PPP4R2: variants seen among roughly 807,000 people sequenced by gnomAD.
PPP4R2 encodes the protein serine/threonine-protein phosphatase 4 regulatory subunit 2.
In PPP4R2, 13 loss-of-function variants were observed where a neutral mutation model predicts 47.2. That is an observed-to-expected ratio of 0.28 (90% CI 0.18 to 0.44). The LOEUF (loss-of-function observed/expected upper bound fraction) is 0.44. Ranked by LOEUF, PPP4R2 falls within the 20% of genes least tolerant of loss-of-function variation. The probability of loss-of-function intolerance (pLI) is 1.00; values close to 1 mark genes in which losing one functional copy is unlikely to be tolerated. For synonymous variants in PPP4R2, 151 were observed against 163.3 expected (o/e 0.92, Z 0.57); for missense variants, 421 against 491.2 (o/e 0.86, Z 1.35).
intron 3 of PPP4R2, among the ~76,000 whole-genome samples, chr3:73,057,854 T>G (rs559002408): frequency 1.3e-5 from 2 of 152,254 alleles, no homozygotes; most frequent in African/African-American, 4.8e-5. Flanking sequence ...TACTATACCT[T>G]GTGGTGGAAG....
At chr3:73,050,932 G>T (rs752768316) in intron 3 of PPP4R2, among the ~76,000 whole-genome samples, 8 of 151,786 alleles carry the variant, frequency 5.3e-5, no homozygotes, top group Non-Finnish European at 8.8e-5. Context: ...TTTTTTTCTG[G>T]AGACAGAGTT....
At chr3:73,018,446 A>ATGTTATGTTATGTTATGTT (rs1701889290) in intron 2 of PPP4R2, among the ~76,000 whole-genome samples, 1 of 105,118 alleles carries the variant, frequency 9.5e-6, no homozygotes, top group Non-Finnish European at 2.0e-5. Context: ...ATGTTATGTT[A>ATGTTATGTTATGTTATGTT]TGTTATTTAT....
At chr3:73,023,762 T>G (rs182941040) in intron 2 of PPP4R2, among the ~76,000 whole-genome samples, 15 of 152,292 alleles carry the variant, frequency 9.8e-5, no homozygotes, top group South Asian at 4.1e-4. Context: ...GTGGACCATT[T>G]AGTAAGTTGC....
intron 2 of PPP4R2, among the ~76,000 whole-genome samples, chr3:73,019,305 C>T (rs925871893): frequency 6.6e-6 from 1 of 152,168 alleles, no homozygotes; most frequent in Non-Finnish European, 1.5e-5. Context: ...ATACCCTCGT[C>T]ATTAAAAGAT....
At chr3:73,027,995 G>A (rs149963221) in intron 2 of PPP4R2, 2 of 144,684 alleles carry the variant, frequency 1.4e-5, no homozygotes, top group African/African-American at 2.6e-5. Context: ...AGTGAGTCAC[G>A]CCTCTAATTC....
At chr3:73,057,832 T>TAA (rs1702756923) in intron 3 of PPP4R2, among the ~76,000 whole-genome samples, 1 of 152,152 alleles carries the variant, frequency 6.6e-6, no homozygotes, top group Admixed American at 6.5e-5. Context: ...CCTGGCATTT[T>TAA]AACTCACTAA....
chr3:73,017,846 G>T (rs540396605), intron 2 of PPP4R2, among the ~76,000 whole-genome samples: 1 of 151,978 alleles, frequency 6.6e-6, no homozygotes, highest in African/African-American at 2.4e-5. Flanking sequence ...CCCTGCTTCA[G>T]CCTTCCGTGT....
intron 3 of PPP4R2, 39 bp from the exon 4 acceptor site, chr3:73,058,998 A>G: frequency 8.4e-7 from 1 of 1,191,958 alleles, no homozygotes; most frequent in Non-Finnish European, 1.2e-6. Context: ...TTTCTTGATT[A>G]TCAGTGATCT....
chr3:73,062,436 T>C, intron 5 of PPP4R2: 1 of 1,611,826 alleles, frequency 6.2e-7, no homozygotes, highest in Non-Finnish European at 8.5e-7. Context: ...TAAATCTCAT[T>C]TCCACCCTGT....
intron 2 of PPP4R2, among the ~76,000 whole-genome samples, chr3:73,032,915 A>T (rs1340756653): frequency 3.9e-5 from 6 of 151,938 alleles, no homozygotes; most frequent in South Asian, 2.1e-4. Context: ...TTCATGTTTT[A>T]AAAAAAATCT....
At chr3:73,031,815 A>G (rs1255266020) in intron 2 of PPP4R2, among the ~76,000 whole-genome samples, 1 of 152,196 alleles carries the variant, frequency 6.6e-6, no homozygotes, top group Non-Finnish European at 1.5e-5. Context: ...AGCTGTCTGC[A>G]TATATCTACT....
intron 2 of PPP4R2, among the ~76,000 whole-genome samples, chr3:73,037,149 G>A (rs1702279411): frequency 6.6e-6 from 1 of 152,056 alleles, no homozygotes; most frequent in Non-Finnish European, 1.5e-5. Context: ...TTAATACACA[G>A]ACGACTACAC....
intron 2 of PPP4R2, among the ~76,000 whole-genome samples, chr3:73,046,410 G>C (rs79850995): frequency 0.047 from 7,171 of 152,196 alleles, 547 homozygotes; most frequent in African/African-American, 0.16. Context: ...AGTACTGTCT[G>C]CCTGAGGAAA....
chr3:73,047,776 C>T (rs1464076957), intron 3 of PPP4R2, among the ~76,000 whole-genome samples: 1 of 152,138 alleles, frequency 6.6e-6, no homozygotes, highest in Non-Finnish European at 1.5e-5. Context: ...TAAGTAACGG[C>T]TTGCTTGTTA....
At position 73,047,183 on chromosome 3, in the gene PPP4R2, T is replaced by C. The variant is rs374050832; in HGVS notation, c.117-3T>C. 7,753 of 1,521,174 alleles carry C rather than the reference T, an allele frequency of 5.1e-3. 24 individuals carry two copies. Among genetic ancestry groups the C allele is most frequent in the Middle Eastern group, 6.5e-3 (30 of 4,608 alleles). 94.2% of individuals were successfully genotyped at this position (1,521,174 alleles called of 1,614,324 possible). On this transcript the variant is annotated splice_polypyrimidine_tract_variant and splice_region_variant and intron_variant, in intron 2 of 8. Transcript: ENST00000356692. ...TATATATTTTTTAATTTTTTGCTTATAGGATTCAGTGGTCCCAATTTAAAG... is the reference window on the plus strand; with the variant it reads ...TATATATTTTTTAATTTTTTGCTTACAGGATTCAGTGGTCCCAATTTAAAG...
At chr3:73,065,198 T>G (rs1233058804) in intron 8 of PPP4R2, 57 bp downstream of exon 8, 1 of 1,482,504 alleles carries the variant, frequency 6.7e-7, no homozygotes, top group Non-Finnish European at 9.0e-7. Flanking sequence ...ATTCTTGTAC[T>G]TCATTTTTTT....
At chr3:73,008,742 C>A (rs369561099) in intron 2 of PPP4R2, among the ~76,000 whole-genome samples, 1 of 152,014 alleles carries the variant, frequency 6.6e-6, no homozygotes, top group East Asian at 1.9e-4. Flanking sequence ...ACTTGGGGGA[C>A]AGTAAAAATT....
intron 4 of PPP4R2, among the ~76,000 whole-genome samples, chr3:73,059,547 G>A (rs1032215988): frequency 6.6e-6 from 1 of 152,200 alleles, no homozygotes; most frequent in African/African-American, 2.4e-5. Flanking sequence ...GAGGTATTGA[G>A]TAGAAAGATG....
chr3:73,054,420 G>A (rs1378742820), intron 3 of PPP4R2, among the ~76,000 whole-genome samples: 1 of 152,192 alleles, frequency 6.6e-6, no homozygotes, highest in East Asian at 1.9e-4. Context: ...TCTGACTTTT[G>A]TAAGACTTTG....
Sources: allele counts gnomAD v4.1 joint callset (sites outside exome capture counted in the v4.1 genomes callset), GRCh38; gene constraint gnomAD v4.1.1; transcripts MANE v1.5; gene names NCBI Gene and HGNC (gene_info 2026-07-23, HGNC 2026-07-21).